DLG1: variants seen among roughly 807,000 people sequenced by gnomAD.
DLG1 encodes disks large homolog 1.
In DLG1, 42 loss-of-function variants were observed where a neutral mutation model predicts 123.4. That is an observed-to-expected ratio of 0.34 (90% CI 0.27 to 0.44). DLG1 has a LOEUF of 0.44. Ranked by LOEUF, DLG1 falls within the 20% of genes least tolerant of loss-of-function variation. The pLI is 1.00. For missense variants in DLG1, 942 were observed against 1,082.6 expected, an observed-to-expected ratio of 0.87 and a Z score of 1.82; for synonymous variants, 317 against 356.2, an observed-to-expected ratio of 0.89 and a Z score of 1.24.
At chr3:197,065,494 AACC>A in intron 21 of DLG1, 46 bp from the exon 22 acceptor site, 1 of 1,470,986 alleles carries the variant, frequency 6.8e-7, no homozygotes. Context: ...TTAAAAAAAA[AACC>A]ACAATAAATC....
chr3:197,177,404 CT>C (rs1561263549), intron 5 of DLG1, among the ~76,000 whole-genome samples: 1 of 152,302 alleles, frequency 6.6e-6, no homozygotes, highest in African/African-American at 2.4e-5. Context: ...ACGTAGTCTA[CT>C]TTTTAGTACA....
At chr3:197,112,968 T>G (rs1029844992) in intron 13 of DLG1, among the ~76,000 whole-genome samples, 2 of 152,172 alleles carry the variant, frequency 1.3e-5, no homozygotes, top group African/African-American at 4.8e-5. Context: ...TGTTACCTAC[T>G]CTAGGCCTGT....
chr3:197,079,446 C>G (rs1259701745), intron 17 of DLG1, among the ~76,000 whole-genome samples: 1 of 152,178 alleles, frequency 6.6e-6, no homozygotes, highest in Non-Finnish European at 1.5e-5. Flanking sequence ...TCACCCCACT[C>G]AGTATCATGC....
intron 4 of DLG1, among the ~76,000 whole-genome samples, chr3:197,264,078 A>C (rs769539880): frequency 1.3e-5 from 2 of 152,242 alleles, no homozygotes; most frequent in African/African-American, 4.8e-5. Flanking sequence ...TTACTTAACA[A>C]CACATTAAAA....
chr3:197,064,273 A>C (rs1248919033), intron 22 of DLG1, among the ~76,000 whole-genome samples: 1 of 148,858 alleles, frequency 6.7e-6, no homozygotes, highest in Non-Finnish European at 1.5e-5. Context: ...GGCTCACTGC[A>C]ACCTCCACCT....
chr3:197,205,461 A>T (rs906714880), intron 4 of DLG1, among the ~76,000 whole-genome samples: 2 of 152,236 alleles, frequency 1.3e-5, no homozygotes, highest in African/African-American at 4.8e-5. Context: ...ATACATTCCA[A>T]AAATGTCAGA....
chr3:197,158,782 G>A (rs1300788082), intron 5 of DLG1, among the ~76,000 whole-genome samples: 1 of 152,148 alleles, frequency 6.6e-6, no homozygotes, highest in East Asian at 1.9e-4. Flanking sequence ...AGAGGACAGA[G>A]ACGATGTTCT....
chr3:197,210,245 T>C (rs1409022616), intron 4 of DLG1, among the ~76,000 whole-genome samples: 2 of 105,792 alleles, frequency 1.9e-5, no homozygotes, highest in East Asian at 5.2e-4. Context: ...TGAGAAGCTA[T>C]AAAAAAAAAA....
intron 4 of DLG1, among the ~76,000 whole-genome samples, chr3:197,214,746 A>T (rs891856605): frequency 6.6e-6 from 1 of 152,206 alleles, no homozygotes; most frequent in Non-Finnish European, 1.5e-5. Context: ...AATTTATAAT[A>T]AAGTCTTACA....
intron 11 of DLG1, among the ~76,000 whole-genome samples, chr3:197,129,186 T>A (rs573705124): frequency 6.6e-6 from 1 of 152,244 alleles, no homozygotes; most frequent in African/African-American, 2.4e-5. Flanking sequence ...TTCATCTACA[T>A]TGAAAAATTG....
At chr3:197,280,671 C>A (rs148847430) in intron 4 of DLG1, among the ~76,000 whole-genome samples, 1 of 151,956 alleles carries the variant, frequency 6.6e-6, no homozygotes, top group Admixed American at 6.6e-5. Flanking sequence ...ATAAGTAAAT[C>A]GAGTATAAGA....
chr3:197,045,787 A>G (rs1722606774), intron 24 of DLG1, among the ~76,000 whole-genome samples: 1 of 152,146 alleles, frequency 6.6e-6, no homozygotes, highest in Non-Finnish European at 1.5e-5. Context: ...ATAATTGAGA[A>G]TTGCAAATTA....
At position 197,138,321 on chromosome 3, in the gene DLG1, C is replaced by T. The variant is rs753983939; in HGVS notation, c.784G>A (p.Ala262Thr). Residue 262 changes from alanine (A) to threonine (T), a missense_variant, in exon 9 of 25, where the codon GCG becomes ACG. By Grantham distance (58) the Ala-to-Thr change is moderately conservative (BLOSUM62 0). Transcript: ENST00000667157. ...ACAATAGACCCTGCTTCTTTCAACG[C>T]TTCAACTGCTTTGCTATGTGTTACA... The part of the protein sequence containing the change: ...RDVTHSKAVE[A>T]LKEAGSIVRL... 1.8e-4 allele frequency: 281 copies of T among 1,602,082 alleles called. No individual in the cohort carries two copies. Among genetic ancestry groups the T allele is most frequent in the Non-Finnish European group, 2.4e-4 (277 of 1,172,198 alleles).
intron 3 of DLG1, among the ~76,000 whole-genome samples, chr3:197,284,597 C>T (rs1770911561): frequency 1.3e-5 from 2 of 152,110 alleles, no homozygotes; most frequent in African/African-American, 4.8e-5. Context: ...TCTGAAGATC[C>T]AGAAAGCTTA....
chr3:197,155,694 C>T (rs1796096706), intron 5 of DLG1, among the ~76,000 whole-genome samples: 2 of 151,774 alleles, frequency 1.3e-5, no homozygotes, highest in African/African-American at 2.4e-5. Context: ...TTCAGGTGGC[C>T]GAGGCAGGCA....
intron 6 of DLG1, among the ~76,000 whole-genome samples, chr3:197,148,424 AAAAAAAAAG>A (rs1243632632): frequency 2.0e-5 from 3 of 150,224 alleles, no homozygotes; most frequent in African/African-American, 7.3e-5. Flanking sequence ...AAAAAAAAAA[AAAAAAAAAG>A]AGAGAGAATA....
intron 1 of DLG1, chr3:197,297,857 G>A: frequency 2.0e-6 from 2 of 985,338 alleles, no homozygotes; most frequent in Non-Finnish European, 2.4e-6. Flanking sequence ...CAGACTCGGA[G>A]CAGCTCCCCA....
At chr3:197,158,634 C>T (rs377085402) in intron 5 of DLG1, among the ~76,000 whole-genome samples, 1 of 67,474 alleles carries the variant, frequency 1.5e-5, no homozygotes. Flanking sequence ...AACTCCATTT[C>T]AAAAAAAAAA....
intron 4 of DLG1, among the ~76,000 whole-genome samples, chr3:197,242,215 T>C (rs1419797802): frequency 6.6e-6 from 1 of 151,828 alleles, no homozygotes; most frequent in Admixed American, 6.6e-5. Flanking sequence ...CACTATATGA[T>C]GATAAAGGAG....
Sources: allele counts gnomAD v4.1 joint callset (sites outside exome capture counted in the v4.1 genomes callset), GRCh38; gene constraint gnomAD v4.1.1; transcripts MANE v1.5; gene names NCBI Gene and HGNC (gene_info 2026-07-23, HGNC 2026-07-21).